The following ZFHX3 variants were observed in gnomAD, a reference collection of about 807,000 sequenced individuals.
The protein encoded by ZFHX3 is zinc finger homeobox 3.
ZFHX3 carries 42 observed loss-of-function variants against 279.1 expected under a neutral mutation model. The ratio of observed to expected loss-of-function variants is 0.15; its 90% CI spans 0.12 to 0.19. ZFHX3 has a LOEUF of 0.19. ZFHX3 is among the 10% of genes least tolerant of loss of function. The probability of loss-of-function intolerance (pLI) is 1.00; values close to 1 mark genes in which losing one functional copy is unlikely to be tolerated. For synonymous variants in ZFHX3, 2,293 were observed against 1,957.8 expected, an observed-to-expected ratio of 1.17 and a Z score of -4.52; for missense variants, 4,981 against 4,754.0, an observed-to-expected ratio of 1.05 and a Z score of -1.40.
chr16:72,789,133 A>C, intron 9 of ZFHX3: 1 of 330,932 alleles, frequency 3.0e-6, no homozygotes, highest in Non-Finnish European at 5.5e-6. Flanking sequence ...TTGTATTCTA[A>C]TGAGGACTCA....
chr16:73,514,529 A>C (rs1021963956), intron 2 of ZFHX3, among the ~76,000 whole-genome samples: 14 of 152,198 alleles, frequency 9.2e-5, no homozygotes, highest in Non-Finnish European at 1.2e-4. Context: ...TATTATTTTT[A>C]CTATTCTCAT....
At chr16:73,851,252 C>G (rs1479291618) in intron 1 of ZFHX3, among the ~76,000 whole-genome samples, 1 of 152,118 alleles carries the variant, frequency 6.6e-6, no homozygotes, top group Non-Finnish European at 1.5e-5. Flanking sequence ...ATAAGAGAAT[C>G]AAGAGCCCAC....
chr16:73,839,811 A>G (rs73603515), intron 1 of ZFHX3, among the ~76,000 whole-genome samples: 1 of 151,892 alleles, frequency 6.6e-6, no homozygotes, highest in Non-Finnish European at 1.5e-5. Flanking sequence ...CAGGTTCACG[A>G]CTCCACCCAT....
At chr16:73,291,812 A>T (rs2014779387) in intron 4 of ZFHX3, among the ~76,000 whole-genome samples, 2 of 152,140 alleles carry the variant, frequency 1.3e-5, no homozygotes, top group Admixed American at 6.5e-5. Context: ...ATCTATATAA[A>T]CTGCCAAGGT....
At chr16:73,085,193 A>G (rs1017764055) in intron 8 of ZFHX3, among the ~76,000 whole-genome samples, 4 of 152,266 alleles carry the variant, frequency 2.6e-5, no homozygotes, top group African/African-American at 9.6e-5. Flanking sequence ...AAACAGCCAC[A>G]TAGACCAATG....
chr16:73,888,311 C>CA (rs1555506961), intron 1 of ZFHX3, among the ~76,000 whole-genome samples: 4 of 152,058 alleles, frequency 2.6e-5, no homozygotes, highest in African/African-American at 4.8e-5. Context: ...CCCTTCCCCC[C>CA]ACGGAAACAT....
At chr16:73,359,809 T>C (rs1261331495) in intron 3 of ZFHX3, among the ~76,000 whole-genome samples, 4 of 152,212 alleles carry the variant, frequency 2.6e-5, no homozygotes, top group African/African-American at 7.2e-5. Flanking sequence ...ATTTCCGCCC[T>C]GAGTTGTGGG....
At chr16:73,075,385 G>A (rs1965876416) in intron 8 of ZFHX3, among the ~76,000 whole-genome samples, 1 of 152,110 alleles carries the variant, frequency 6.6e-6, no homozygotes, top group African/African-American at 2.4e-5. Context: ...TGTGGGCTGG[G>A]CTAGAATGGC....
At chr16:73,296,599 C>G (rs2014915423) in intron 4 of ZFHX3, among the ~76,000 whole-genome samples, 1 of 152,196 alleles carries the variant, frequency 6.6e-6, no homozygotes, top group Non-Finnish European at 1.5e-5. Flanking sequence ...GCTTTTCACT[C>G]CTCTATTCCC....
intron 1 of ZFHX3, among the ~76,000 whole-genome samples, chr16:73,810,513 G>A (rs1028145885): frequency 6.6e-6 from 1 of 152,150 alleles, no homozygotes; most frequent in Admixed American, 6.5e-5. Flanking sequence ...AATTACTTCA[G>A]ACAATAGCAA....
At chr16:72,816,502 G>T (rs1398854353) in intron 5 of ZFHX3, among the ~76,000 whole-genome samples, 3 of 152,192 alleles carry the variant, frequency 2.0e-5, no homozygotes, top group Non-Finnish European at 4.4e-5. Flanking sequence ...AACAGGACGT[G>T]AGCTATGGAT....
intron 1 of ZFHX3, among the ~76,000 whole-genome samples, chr16:73,836,402 T>C (rs1961145497): frequency 6.6e-6 from 1 of 152,242 alleles, no homozygotes; most frequent in Non-Finnish European, 1.5e-5. Context: ...ATGGGTTATT[T>C]AACATGTTCA....
intron 4 of ZFHX3, among the ~76,000 whole-genome samples, chr16:72,874,339 TGGGAC>T: frequency 6.6e-6 from 1 of 151,318 alleles, no homozygotes; most frequent in East Asian, 1.9e-4. Context: ...CCCGAGTGGC[TGGGAC>T]TACAGGCACC....
At chr16:72,867,553 C>G (rs920540982) in intron 4 of ZFHX3, among the ~76,000 whole-genome samples, 1 of 152,154 alleles carries the variant, frequency 6.6e-6, no homozygotes, top group African/African-American at 2.4e-5. Flanking sequence ...TCATGGAGTA[C>G]GACTACCCAT....
chr16:73,541,307 AGACCTCATCTCT>A (rs2020006914), intron 2 of ZFHX3, among the ~76,000 whole-genome samples: 1 of 152,056 alleles, frequency 6.6e-6, no homozygotes, highest in East Asian at 1.9e-4. Flanking sequence ...CAACATAGCG[AGACCTCATCTCT>A]ACGACAAATT....
At chr16:73,441,802 A>G (rs2018098817) in intron 3 of ZFHX3, among the ~76,000 whole-genome samples, 1 of 152,194 alleles carries the variant, frequency 6.6e-6, no homozygotes, top group South Asian at 2.1e-4. Context: ...GTGTCTTGGA[A>G]AACCATTGAC....
chr16:72,955,097 T>C (rs1457731832), intron 2 of ZFHX3, among the ~76,000 whole-genome samples: 1 of 152,168 alleles, frequency 6.6e-6, no homozygotes. Context: ...TTTTGGACAC[T>C]TCCTATGGCC....
chr16:72,924,899 C>T lies in ZFHX3; in HGVS notation c.3216+25570G>A, dbSNP rs75101764. 9.9e-3 allele frequency among the ~76,000 whole-genome samples: 1,506 copies of T among 152,200 alleles called. 41 individuals are homozygous for T. The highest frequency in any genetic ancestry group is 0.037 in the East Asian group (189 of 5,178). On this transcript the variant is annotated intron_variant, in intron 3 of 9. Transcript: ENST00000268489. The stretch of plus-strand genomic sequence containing the variant: ...ACTTCTGTCCTATGGGACTTCAGTC[C>T]CATTTCCTCCTACCCTTTACAGAAA...
At chr16:73,878,940 G>GATATATATATATATATATATATATAT (rs3082335) in intron 1 of ZFHX3, among the ~76,000 whole-genome samples, 2 of 141,028 alleles carry the variant, frequency 1.4e-5, no homozygotes, top group African/African-American at 5.1e-5. Flanking sequence ...AAAAAGATAA[G>GATATATATATATATATATATATATAT]ATATATATAT....
Sources: allele counts gnomAD v4.1 joint callset (sites outside exome capture counted in the v4.1 genomes callset), GRCh38; gene constraint gnomAD v4.1.1; transcripts MANE v1.5; gene names NCBI Gene and HGNC (gene_info 2026-07-23, HGNC 2026-07-21).